The following CNTN3 variants were observed in gnomAD, a reference collection of about 807,000 sequenced individuals.
The protein encoded by CNTN3 is contactin 3, also known as contactin-3.
Under a neutral mutation model 119.1 loss-of-function variants are expected in CNTN3, and 60 were observed. The ratio of observed to expected loss-of-function variants is 0.50; its 90% CI spans 0.41 to 0.62. CNTN3 has a LOEUF of 0.62. Among genes scored for constraint, CNTN3 ranks in the 20% least tolerant of loss-of-function variants. The pLI, the probability that CNTN3 is intolerant of heterozygous loss-of-function variation, is 0.00. For synonymous variants in CNTN3, 450 were observed against 438.7 expected (o/e 1.03, Z -0.32); for missense variants, 1,101 against 1,242.4 (o/e 0.89, Z 1.71).
chr3:74,594,307 T>C (rs540029289), intron 1 of CNTN3, among the ~76,000 whole-genome samples: 57 of 151,170 alleles, frequency 3.8e-4, no homozygotes, highest in African/African-American at 1.3e-3. Flanking sequence ...TTTTTAATTA[T>C]TATACTTTAA....
intron 1 of CNTN3, among the ~76,000 whole-genome samples, chr3:74,535,520 T>G (rs1005274282): frequency 4.6e-5 from 7 of 152,022 alleles, no homozygotes; most frequent in African/African-American, 1.4e-4. Context: ...TATGTAATGA[T>G]CTGCAGATAC....
At chr3:74,280,030 T>A (rs1246683182) in intron 20 of CNTN3, among the ~76,000 whole-genome samples, 1 of 152,154 alleles carries the variant, frequency 6.6e-6, no homozygotes, top group Non-Finnish European at 1.5e-5. Flanking sequence ...TTGTTTGCAA[T>A]TCAATGGCTA....
chr3:74,300,242 A>T (rs1434560892), intron 16 of CNTN3, among the ~76,000 whole-genome samples: 1 of 152,190 alleles, frequency 6.6e-6, no homozygotes, highest in Non-Finnish European at 1.5e-5. Context: ...AAAGTGATTC[A>T]CTGGAGATGA....
At chr3:74,314,825 T>C (rs1702789689) in intron 13 of CNTN3, among the ~76,000 whole-genome samples, 2 of 152,172 alleles carry the variant, frequency 1.3e-5, no homozygotes, top group South Asian at 4.1e-4. Context: ...TAGACTACTT[T>C]ATCCAACAGC....
rs9825308 is a variant in CNTN3 at position 74,574,586 on chromosome 3, A to T, written c.-81+39805T>A. On this transcript the variant is annotated intron_variant, in intron 1 of 22. Transcript: ENST00000263665. ...TGCTCTCAATGGTAAAGCATGAACCATGGAAGCACTACCCATGGAAGTCAT... is the reference window on the plus strand; with the variant it reads ...TGCTCTCAATGGTAAAGCATGAACCTTGGAAGCACTACCCATGGAAGTCAT... 7.7e-3 allele frequency among the ~76,000 whole-genome samples: 1,172 copies of T among 152,338 alleles called. 15 individuals carry two copies. Among genetic ancestry groups the T allele is most frequent in the African/African-American group, 0.027 (1,114 of 41,576 alleles).
chr3:74,408,075 T>G (rs145930252), intron 5 of CNTN3, among the ~76,000 whole-genome samples: 298 of 152,318 alleles, frequency 2.0e-3, no homozygotes, highest in Non-Finnish European at 3.7e-3. Context: ...TGCAGTCAGC[T>G]TATAGCTCAG....
intron 11 of CNTN3, among the ~76,000 whole-genome samples, chr3:74,354,893 C>CGAGAG (rs1703901523): frequency 6.6e-6 from 1 of 152,038 alleles, no homozygotes; most frequent in Admixed American, 6.6e-5. Flanking sequence ...CTTGTATGTA[C>CGAGAG]GAGAGTTTCA....
intron 3 of CNTN3, among the ~76,000 whole-genome samples, chr3:74,493,539 T>A (rs138574398): frequency 9.9e-5 from 15 of 151,790 alleles, no homozygotes; most frequent in African/African-American, 3.4e-4. Flanking sequence ...TTTGGGGGGG[T>A]CTGGGATTTG....
intron 1 of CNTN3, among the ~76,000 whole-genome samples, chr3:74,574,678 A>C (rs1423533801): frequency 6.6e-6 from 1 of 152,146 alleles, no homozygotes; most frequent in Non-Finnish European, 1.5e-5. Flanking sequence ...TCCACTTGCA[A>C]TAATCACCTT....
intron 3 of CNTN3, among the ~76,000 whole-genome samples, chr3:74,488,796 T>A (rs1272710326): frequency 6.6e-6 from 1 of 152,194 alleles, no homozygotes; most frequent in African/African-American, 2.4e-5. Flanking sequence ...TTCCAACTCT[T>A]CTCTTTTGAA....
intron 13 of CNTN3, among the ~76,000 whole-genome samples, chr3:74,309,178 C>T (rs990916583): frequency 6.6e-6 from 1 of 152,026 alleles, no homozygotes; most frequent in Non-Finnish European, 1.5e-5. Context: ...GATCTTAGCA[C>T]CCTGCAACCT....
At chr3:74,345,338 T>C (rs943742755) in intron 11 of CNTN3, among the ~76,000 whole-genome samples, 3 of 152,190 alleles carry the variant, frequency 2.0e-5, no homozygotes, top group African/African-American at 4.8e-5. Flanking sequence ...AATAAAACTT[T>C]AGTGCTAGTT....
At chr3:74,441,930 T>G (rs370897668) in intron 4 of CNTN3, among the ~76,000 whole-genome samples, 8 of 152,270 alleles carry the variant, frequency 5.3e-5, no homozygotes, top group African/African-American at 1.9e-4. Context: ...AGCTTGACTT[T>G]CTACACATAA....
At chr3:74,574,222 T>C (rs1036960422) in intron 1 of CNTN3, among the ~76,000 whole-genome samples, 2 of 152,206 alleles carry the variant, frequency 1.3e-5, no homozygotes, top group African/African-American at 4.8e-5. Flanking sequence ...TCTATTTTTA[T>C]GAAACTTCCA....
chr3:74,350,159 G>T (rs1703781090), intron 11 of CNTN3, among the ~76,000 whole-genome samples: 1 of 152,132 alleles, frequency 6.6e-6, no homozygotes, highest in South Asian at 2.1e-4. Flanking sequence ...ACTTAAGAAG[G>T]TTGAAATAAT....
Position 74,362,535 on chromosome 3 carries a change from C to T in CNTN3, c.1214-495G>A, listed in dbSNP as rs575911073. ...TGTTTAAATTGTTAGGTTGAACTTC[C>T]AAACTGGGGAAAAATAATATTACGC... On this transcript the variant is annotated intron_variant, in intron 10 of 22. Transcript: ENST00000263665. Among the ~76,000 whole-genome samples, 6 of 152,168 alleles carry T rather than the reference C, an allele frequency of 3.9e-5. 1 individual carries two copies. Among genetic ancestry groups the T allele is most frequent in the African/African-American group, 1.4e-4 (6 of 41,536 alleles).
intron 20 of CNTN3, among the ~76,000 whole-genome samples, chr3:74,271,759 T>G (rs1039546116): frequency 6.6e-6 from 1 of 152,126 alleles, no homozygotes; most frequent in Non-Finnish European, 1.5e-5. Context: ...CTTAAACATG[T>G]GGTATTGTGC....
chr3:74,601,203 C>T (rs1327318444), intron 1 of CNTN3, among the ~76,000 whole-genome samples: 1 of 151,950 alleles, frequency 6.6e-6, no homozygotes, highest in East Asian at 1.9e-4. Context: ...GGATTCCTTA[C>T]AATAGATTTA....
intron 1 of CNTN3, among the ~76,000 whole-genome samples, chr3:74,593,300 TG>T (rs1704735668): frequency 6.6e-6 from 1 of 151,928 alleles, no homozygotes; most frequent in Admixed American, 6.6e-5. Flanking sequence ...GGCATGTAAG[TG>T]GTTGAAAGAA....
Sources: allele counts gnomAD v4.1 joint callset (sites outside exome capture counted in the v4.1 genomes callset), GRCh38; gene constraint gnomAD v4.1.1; transcripts MANE v1.5; gene names NCBI Gene and HGNC (gene_info 2026-07-23, HGNC 2026-07-21).